Variants in ARFGEF3 observed in about 807,000 individuals in gnomAD.
ARFGEF3 encodes brefeldin A-inhibited guanine nucleotide-exchange protein 3.
Under a neutral mutation model 221.7 loss-of-function variants are expected in ARFGEF3, and 96 were observed. That is an observed-to-expected ratio of 0.43 (90% CI 0.37 to 0.51). The LOEUF (loss-of-function observed/expected upper bound fraction) is 0.51, where lower values mean the gene tolerates loss of function less well. Ranked by LOEUF, ARFGEF3 falls within the 20% of genes least tolerant of loss-of-function variation. ARFGEF3 has a pLI of 0.00. For synonymous variants in ARFGEF3, 1,145 were observed against 1,126.8 expected (o/e 1.02, Z -0.32); for missense variants, 2,410 against 2,789.9 (o/e 0.86, Z 3.07).
At position 138,261,639 on chromosome 6, in the gene ARFGEF3, T is replaced by G. The variant is rs1317818173; in HGVS notation, c.1217T>G (p.Leu406Arg). The change falls in exon 11 of 34, where the codon CTC becomes CGC. Residue 406 changes from leucine (L) to arginine (R), a missense_variant and splice_region_variant. By Grantham distance (102) the Leu-to-Arg change is moderately radical. This residue lies in a region of ARFGEF3 where 570 missense variants were observed against 586.9 expected (regional missense o/e 0.97). Coordinates refer to ENST00000251691, the MANE Select transcript of ARFGEF3 (RefSeq NM_020340.5). The stretch of plus-strand genomic sequence containing the variant: ...AAGTCTCATCTGGATCTCCTCAAAC[T>G]GTATGATGTTTATCCTTTTAAGTCT... ...KRKSHLDLLK[L>R]IMDGMTEACI... 2 of 1,523,532 alleles carry G rather than the reference T, an allele frequency of 1.3e-6. No homozygotes were observed. The highest frequency in any genetic ancestry group is 1.8e-6 in the Non-Finnish European group (2 of 1,123,530). 94.4% of individuals were successfully genotyped at this position (1,523,532 alleles called of 1,614,324 possible).
chr6:138,320,199 A>G (rs1408867534), intron 28 of ARFGEF3, among the ~76,000 whole-genome samples: 1 of 152,200 alleles, frequency 6.6e-6, no homozygotes, highest in Non-Finnish European at 1.5e-5. Flanking sequence ...AAAAAAGAAA[A>G]AAAGAAGAAG....
intron 2 of ARFGEF3, among the ~76,000 whole-genome samples, chr6:138,171,543 C>T (rs1276404765): frequency 6.6e-6 from 1 of 152,166 alleles, no homozygotes; most frequent in Non-Finnish European, 1.5e-5. Flanking sequence ...CCTTCTTCCC[C>T]TCCCACTATA....
At chr6:138,300,871 T>C (rs1024640624) in intron 22 of ARFGEF3, among the ~76,000 whole-genome samples, 1 of 152,174 alleles carries the variant, frequency 6.6e-6, no homozygotes, top group Non-Finnish European at 1.5e-5. Context: ...TGACATGAGA[T>C]TAAGGTAATC....
At chr6:138,230,003 A>G (rs1055334200) in intron 5 of ARFGEF3, among the ~76,000 whole-genome samples, 151 bp downstream of exon 5, 1 of 152,110 alleles carries the variant, frequency 6.6e-6, no homozygotes, top group African/African-American at 2.4e-5. Flanking sequence ...GATCTGTGGG[A>G]AGCGTGCTGT....
chr6:138,224,149 A>G (rs1778034137), intron 4 of ARFGEF3, among the ~76,000 whole-genome samples: 1 of 152,216 alleles, frequency 6.6e-6, no homozygotes, highest in South Asian at 2.1e-4. Flanking sequence ...GCTCTGTTGG[A>G]ACCTTGATAG....
Position 138,297,036 on chromosome 6 carries a change from T to C in ARFGEF3, c.3648+81T>C, listed in dbSNP as rs140867879. Reference sequence around the variant, plus strand: ...GCCAGCATGGGGGCCTGCAGTCATGTATGGGGGCAAAGCACTGTGGCCATT... The same window carrying C: ...GCCAGCATGGGGGCCTGCAGTCATGCATGGGGGCAAAGCACTGTGGCCATT... On this transcript the variant is annotated intron_variant, in intron 21 of 33. Transcript: ENST00000251691. The C allele has an allele frequency of 1.9e-5, 28 of 1,473,072 alleles. No individual in the cohort carries two copies. The African/African-American group carries it at 3.2e-4, about 17-fold the overall frequency. 91.3% of individuals were successfully genotyped at this position (1,473,072 alleles called of 1,614,324 possible).
Position 138,334,440 on chromosome 6 carries a change from AAACCGCCCAGGTCAGCCCCCCGAGAGGC to A in ARFGEF3, c.5597_5624del (p.Thr1866ArgfsTer103). ...TCTGAGGATGAAGACATCTTTGAGG[AAACCGCCCAGGTCAGCCCCCCGAGAGGC>A]AAGGAGAAGAGACAGTGGCGGGCAC... On this transcript the variant is annotated frameshift_variant, in exon 33 of 34. Coordinates refer to ENST00000251691, the MANE Select transcript of ARFGEF3 (RefSeq NM_020340.5). LOFTEE classifies it high-confidence loss of function. The surrounding 1 kb of genome is among the most constrained non-coding windows in gnomAD (Gnocchi z 5.1). 6.2e-7 allele frequency: 1 copy of A among 1,611,546 alleles called. No homozygotes were observed. Among genetic ancestry groups the A allele is most frequent in the Non-Finnish European group, 8.5e-7 (1 of 1,179,028 alleles).
rs1163253089 is a variant in ARFGEF3, at chr6:138,242,997, A to G, written c.586+3A>G. ...CCCACAGGATTTCGGGAATCAAGGT[A>G]TGGCATTTGATTTGTACTAGTTCAG... On this transcript the variant is annotated splice_donor_region_variant and intron_variant, in intron 7 of 33. Transcript: ENST00000251691. 6.2e-7 allele frequency: 1 copy of G among 1,610,394 alleles called. No homozygotes were observed. The highest frequency in any genetic ancestry group is 8.5e-7 in the Non-Finnish European group (1 of 1,177,308).
At chr6:138,302,535 A>C (rs974457827) in intron 22 of ARFGEF3, among the ~76,000 whole-genome samples, 1 of 152,314 alleles carries the variant, frequency 6.6e-6, no homozygotes, top group African/African-American at 2.4e-5. Flanking sequence ...AAATATATTT[A>C]AAGAAATAGT....
chr6:138,214,474 C>T (rs893251941), intron 4 of ARFGEF3, among the ~76,000 whole-genome samples: 21 of 152,204 alleles, frequency 1.4e-4, no homozygotes, highest in Non-Finnish European at 2.5e-4. Context: ...TAAGGCCACA[C>T]CATGCAGTTT....
chr6:138,282,631 G>C (rs1318985868), intron 14 of ARFGEF3, among the ~76,000 whole-genome samples: 1 of 152,196 alleles, frequency 6.6e-6, no homozygotes, highest in African/African-American at 2.4e-5. Context: ...TTGGAGTCTT[G>C]CTTCAAGAAC....
chr6:138,259,564 T>G (rs559591687), intron 10 of ARFGEF3, among the ~76,000 whole-genome samples: 1 of 152,326 alleles, frequency 6.6e-6, no homozygotes, highest in East Asian at 1.9e-4. Flanking sequence ...TTAGTTTTTG[T>G]TGAGGGTTCT....
At chr6:138,257,099 A>G (rs141787840) in intron 10 of ARFGEF3, among the ~76,000 whole-genome samples, 6 of 152,306 alleles carry the variant, frequency 3.9e-5, no homozygotes, top group South Asian at 2.1e-4. Context: ...TCAGTTAAGA[A>G]TGTTACTTCT....
intron 4 of ARFGEF3, among the ~76,000 whole-genome samples, chr6:138,226,874 C>T (rs768352522): frequency 6.6e-6 from 1 of 152,218 alleles, no homozygotes; most frequent in Admixed American, 6.5e-5. Context: ...GCTAGATGCT[C>T]TGCCCTTAAT....
At chr6:138,253,428 A>G (rs1267125631) in intron 8 of ARFGEF3, among the ~76,000 whole-genome samples, 1 of 152,188 alleles carries the variant, frequency 6.6e-6, no homozygotes, top group East Asian at 1.9e-4. Flanking sequence ...GAGCCTGTAC[A>G]TTCAAGATCA....
intron 2 of ARFGEF3, among the ~76,000 whole-genome samples, chr6:138,194,286 AGAT>A (rs1204906575): frequency 6.7e-6 from 1 of 149,598 alleles, no homozygotes; most frequent in Non-Finnish European, 1.5e-5. Flanking sequence ...AAAAAAAAAA[AGAT>A]AGTGATGGTA....
intron 22 of ARFGEF3, among the ~76,000 whole-genome samples, chr6:138,302,461 C>G (rs977842680): frequency 6.6e-6 from 1 of 152,090 alleles, no homozygotes; most frequent in African/African-American, 2.4e-5. Context: ...AGAACAATGT[C>G]AAGCATACCA....
chr6:138,324,195 C>CA (rs1780089325), intron 31 of ARFGEF3, 41 bp downstream of exon 31: 1 of 1,589,876 alleles, frequency 6.3e-7, no homozygotes. Context: ...TCTAGAAACT[C>CA]GAAGTGCATG....
At chr6:138,319,112 C>A (rs2114676724) in intron 27 of ARFGEF3, among the ~76,000 whole-genome samples, 1 of 148,604 alleles carries the variant, frequency 6.7e-6, no homozygotes, top group East Asian at 2.0e-4. Flanking sequence ...CCACAATGCC[C>A]AGCTAATTTT....
Sources: allele counts gnomAD v4.1 joint callset (sites outside exome capture counted in the v4.1 genomes callset), GRCh38; gene constraint gnomAD v4.1.1; regional missense constraint gnomAD v4.1.1; non-coding constraint Gnocchi (gnomAD v3.1); transcripts MANE v1.5; gene names NCBI Gene and HGNC (gene_info 2026-07-23, HGNC 2026-07-21).